MAN2A1: variants seen among roughly 807,000 people sequenced by gnomAD.
MAN2A1 encodes alpha-mannosidase 2.
MAN2A1 carries 76 observed loss-of-function variants against 142.6 expected under a neutral mutation model. That is an observed-to-expected ratio of 0.53 (90% CI 0.44 to 0.65). The LOEUF (loss-of-function observed/expected upper bound fraction) is 0.65. MAN2A1 is among the 30% of genes least tolerant of loss of function. The pLI is 0.00. For missense variants in MAN2A1, 1,311 were observed against 1,365.1 expected (o/e 0.96, Z 0.62); for synonymous variants, 559 against 473.2 (o/e 1.18, Z -2.35).
intron 3 of MAN2A1, among the ~76,000 whole-genome samples, chr5:109,724,208 G>A (rs570031647): frequency 4.6e-5 from 7 of 152,120 alleles, no homozygotes; most frequent in East Asian, 1.9e-4. Flanking sequence ...AAACCTGTTC[G>A]TCATTTTTTC....
chr5:109,829,057 A>C (rs1188054860), intron 16 of MAN2A1, among the ~76,000 whole-genome samples: 1 of 150,396 alleles, frequency 6.6e-6, no homozygotes, highest in East Asian at 1.9e-4. Context: ...AAAAATTAAA[A>C]ATATAAACTA....
intron 5 of MAN2A1, among the ~76,000 whole-genome samples, chr5:109,764,801 C>T (rs1158305159): frequency 1.3e-5 from 2 of 152,042 alleles, no homozygotes; most frequent in African/African-American, 4.8e-5. Context: ...TTTTTGTAAG[C>T]TTATTCTGTC....
intron 17 of MAN2A1, among the ~76,000 whole-genome samples, chr5:109,843,465 A>G (rs1041146566): frequency 1.3e-4 from 20 of 152,174 alleles, no homozygotes; most frequent in African/African-American, 4.1e-4. Context: ...TACAAAGTCT[A>G]TATTAGTTGT....
chr5:109,759,960 TATATAGATAGATAG>T lies in MAN2A1; in HGVS notation c.835+4508_835+4521del, dbSNP rs1263956913. ...TTTGAATTGTTGCTATATATATATA[TATATAGATAGATAG>T]ATAGATAGATAGATAGATAGATAGA... is the stretch of plus-strand genomic sequence containing the variant. On this transcript the variant is annotated intron_variant, in intron 5 of 21. Transcript: ENST00000261483. Among the ~76,000 whole-genome samples the T allele has an allele frequency of 4.2e-3, 152 of 35,998 alleles. 1 individual carries two copies. Among genetic ancestry groups the T allele is most frequent in the African/African-American group, 0.018 (88 of 5,014 alleles). 23.6% of individuals were successfully genotyped at this position (35,998 alleles called of 152,430 possible).
At chr5:109,858,376 TG>T (rs1755676297) in intron 20 of MAN2A1, among the ~76,000 whole-genome samples, 1 of 152,288 alleles carries the variant, frequency 6.6e-6, no homozygotes, top group African/African-American at 2.4e-5. Flanking sequence ...AGGGAACTGT[TG>T]TGGGTATTGA....
At chr5:109,819,594 A>T in intron 13 of MAN2A1, 75 bp from the exon 14 acceptor site, 1 of 880,300 alleles carries the variant, frequency 1.1e-6, no homozygotes, top group Non-Finnish European at 1.7e-6. Context: ...TGTTGGTTTT[A>T]CCAAAAATAT....
chr5:109,786,817 T>A (rs1015567774), intron 10 of MAN2A1, among the ~76,000 whole-genome samples: 6 of 152,144 alleles, frequency 3.9e-5, no homozygotes, highest in Admixed American at 3.9e-4. Flanking sequence ...TGCATTTGGC[T>A]GCGAGTAATA....
At chr5:109,812,571 G>T (rs1465638615) in intron 12 of MAN2A1, among the ~76,000 whole-genome samples, 1 of 152,102 alleles carries the variant, frequency 6.6e-6, no homozygotes, top group Non-Finnish European at 1.5e-5. Context: ...ACTTAGAGAA[G>T]ATGAATGCAT....
At chr5:109,826,125 C>T (rs11949443) in intron 16 of MAN2A1, among the ~76,000 whole-genome samples, 3,636 of 151,798 alleles carry the variant, frequency 0.024, 161 homozygotes, top group African/African-American at 0.083. Context: ...AGGCTGGTCT[C>T]GAACTCTTGA....
chr5:109,808,850 C>T (rs1157197813), intron 12 of MAN2A1, among the ~76,000 whole-genome samples: 1 of 151,820 alleles, frequency 6.6e-6, no homozygotes, highest in Admixed American at 6.6e-5. Context: ...ACTACACACA[C>T]GCACCACCAT....
rs575819215 is a variant in MAN2A1 at position 109,779,560 on chromosome 5, C to T, written c.1375-1836C>T. 1.9e-4 allele frequency among the ~76,000 whole-genome samples: 18 copies of T among 94,582 alleles called. No homozygotes were observed. The East Asian group carries it at 4.7e-3, about 25-fold the overall frequency. The allele number at this position is 94,582 out of a possible 152,430, so 62.0% of individuals were successfully genotyped here. On this transcript the variant is annotated intron_variant, in intron 8 of 21. Coordinates refer to ENST00000261483, the MANE Select transcript of MAN2A1 (RefSeq NM_002372.4). Reference sequence around the variant, plus strand: ...TTTCTTTTATGGTTACACACACACACGCGTGCACACACACACACACACAAA... The same window carrying T: ...TTTCTTTTATGGTTACACACACACATGCGTGCACACACACACACACACAAA...
chr5:109,696,718 A>T (rs1290366123), intron 1 of MAN2A1, among the ~76,000 whole-genome samples: 1 of 152,220 alleles, frequency 6.6e-6, no homozygotes, highest in African/African-American at 2.4e-5. Context: ...GGGAGTGGGA[A>T]TCATCCCTGT....
chr5:109,823,897 T>C, intron 16 of MAN2A1, 60 bp downstream of exon 16: 1 of 760,798 alleles, frequency 1.3e-6, no homozygotes, highest in Non-Finnish European at 2.0e-6. Context: ...ATTCTTGCTT[T>C]TCTTATGCCA....
In MAN2A1 at chr5:109,709,144, T is replaced by C. The variant is rs572261048; in HGVS notation, c.136-4376T>C. Among the ~76,000 whole-genome samples the C allele has an allele frequency of 5.4e-4, 78 of 143,410 alleles. 1 individual carries two copies. The highest frequency in any genetic ancestry group is 2.1e-3 in the African/African-American group (76 of 36,946). The allele number at this position is 143,410 out of a possible 152,430, so 94.1% of individuals were successfully genotyped here. A position where few individuals can be genotyped will look rare whatever the true frequency, so the allele number is the denominator to read the frequency against. ...GTTGAACCCCAAATTAACCATCACATGGGGTTAAGCACAGGAGGGTGGAAG... is the reference window on the plus strand; with the variant it reads ...GTTGAACCCCAAATTAACCATCACACGGGGTTAAGCACAGGAGGGTGGAAG... On this transcript the variant is annotated intron_variant, in intron 1 of 21. Transcript: ENST00000261483.
intron 1 of MAN2A1, 50 bp downstream of exon 1, chr5:109,690,602 G>A: frequency 6.5e-7 from 1 of 1,544,014 alleles, no homozygotes; most frequent in South Asian, 1.2e-5. Context: ...AGGCGTGCGG[G>A]CCCCTGGTTA....
rs2241693 is a variant in MAN2A1, at chr5:109,868,220, C to A, written c.*1222C>A. 1 of 152,002 alleles carries A rather than the reference C, an allele frequency of 6.6e-6. No individual in the cohort carries two copies. The highest frequency in any genetic ancestry group is 2.4e-5 in the African/African-American group (1 of 41,402). 9.4% of individuals were successfully genotyped at this position (152,002 alleles called of 1,614,324 possible). ...TTAAAATTGATCTTGTTTTGAAACCCACTTTTATGTAGCTCATCATGGTTT... is the reference window on the plus strand; with the variant it reads ...TTAAAATTGATCTTGTTTTGAAACCAACTTTTATGTAGCTCATCATGGTTT... On this transcript the variant is annotated 3_prime_UTR_variant, in exon 22 of 22. Transcript: ENST00000261483.
intron 10 of MAN2A1, among the ~76,000 whole-genome samples, chr5:109,785,268 A>C (rs1753566826): frequency 6.6e-6 from 1 of 152,070 alleles, no homozygotes; most frequent in African/African-American, 2.4e-5. Flanking sequence ...ACATAGTTAT[A>C]ATGTAGAGAG....
At chr5:109,840,935 G>A (rs1222738090) in intron 16 of MAN2A1, among the ~76,000 whole-genome samples, 1 of 152,158 alleles carries the variant, frequency 6.6e-6, no homozygotes, top group African/African-American at 2.4e-5. Flanking sequence ...ACTCTTTGCT[G>A]TCACCTTCTG....
At chr5:109,789,915 T>G (rs1753694109) in intron 12 of MAN2A1, among the ~76,000 whole-genome samples, 1 of 151,820 alleles carries the variant, frequency 6.6e-6, no homozygotes, top group Non-Finnish European at 1.5e-5. Flanking sequence ...ACTTTATTAT[T>G]ATTGGAAGAT....
Sources: allele counts gnomAD v4.1 joint callset (sites outside exome capture counted in the v4.1 genomes callset), GRCh38; gene constraint gnomAD v4.1.1; transcripts MANE v1.5; gene names NCBI Gene and HGNC (gene_info 2026-07-23, HGNC 2026-07-21).